The following SP110 variants were observed in gnomAD, a reference collection of about 807,000 sequenced individuals.
SP110 encodes the protein SP110 nuclear body protein.
SP110 carries 62 observed loss-of-function variants against 92.7 expected under a neutral mutation model. The ratio of observed to expected loss-of-function variants is 0.67; its 90% confidence interval spans 0.55 to 0.83. SP110 has a LOEUF of 0.83. Ranked by LOEUF, SP110 falls within the 40% of genes least tolerant of loss-of-function variation. The pLI is 0.00. For synonymous variants in SP110, 273 were observed against 305.3 expected, an observed-to-expected ratio of 0.89 and a Z score of 1.10; for missense variants, 793 against 863.9, an observed-to-expected ratio of 0.92 and a Z score of 1.03.
chr2:230,184,583 T>G (rs2042270043), intron 11 of SP110, among the ~76,000 whole-genome samples: 1 of 152,222 alleles, frequency 6.6e-6, no homozygotes, highest in African/African-American at 2.4e-5. Flanking sequence ...GGTAAACTGA[T>G]TTGTCTATCT....
At position 230,177,783 on chromosome 2, in the gene SP110, G is replaced by A. The variant is rs1242453532; in HGVS notation, c.1448-103C>T. The A allele has an allele frequency of 3.1e-6, 4 of 1,303,316 alleles. No individual in the cohort carries two copies. In the South Asian group the frequency reaches 3.6e-5, roughly 12 times the overall value. The allele number at this position is 1,303,316 out of a possible 1,614,324, so 80.7% of individuals were successfully genotyped here. On this transcript the variant is annotated intron_variant, in intron 13 of 18. Coordinates refer to ENST00000258381, the MANE Select transcript of SP110 (RefSeq NM_080424.4). ...CCTTCTACCTTTCCAGGTCAAGAGA[G>A]ACTTCCTCTGTGAGGTGGAAGGAGT...
intron 7 of SP110, among the ~76,000 whole-genome samples, chr2:230,209,352 C>T (rs1270662935): frequency 6.6e-6 from 1 of 152,048 alleles, no homozygotes; most frequent in Non-Finnish European, 1.5e-5. Context: ...ACCCTGAAGG[C>T]ATCTAGGATG....
chr2:230,223,555 C>G (rs1226696183), upstream of SP110, among the ~76,000 whole-genome samples: 1 of 152,168 alleles, frequency 6.6e-6, no homozygotes, highest in African/African-American at 2.4e-5. Context: ...ACTCCCAAAT[C>G]CTGACTGATA....
chr2:230,218,719 A>G (rs957112098), intron 1 of SP110, among the ~76,000 whole-genome samples: 1 of 152,146 alleles, frequency 6.6e-6, no homozygotes. Context: ...AGCTTGTCTG[A>G]CTCTAAAGCC....
At position 230,208,008 on chromosome 2, in the gene SP110, T is replaced by C; in HGVS notation, c.881A>G (p.Lys294Arg). The C allele has an allele frequency of 6.4e-7, 1 of 1,561,272 alleles. No individual in the cohort carries two copies. Among genetic ancestry groups the C allele is most frequent in the South Asian group, 1.1e-5 (1 of 89,060 alleles). The change falls in exon 8 of 19, where the codon AAA becomes AGA. Residue 294 changes from lysine to arginine, a missense_variant. Physicochemically the swap from Lys to Arg is conservative, Grantham distance 26 (BLOSUM62 2). Transcript: ENST00000258381. The stretch of plus-strand genomic sequence containing the variant: ...CATCTTACCTCCTGGGAGGCTTTTT[T>C]TCTTATGTCTCCTTTTTGGAGTTGA... ...IWSTPKRRHK[K>R]KSLPGGTASS...
upstream of SP110, among the ~76,000 whole-genome samples, chr2:230,220,821 T>A (rs1381784394): frequency 6.6e-6 from 1 of 152,020 alleles, no homozygotes; most frequent in South Asian, 2.1e-4. Context: ...CTGGGCAACA[T>A]AGTGAGACCC....
chr2:230,216,984 G>C, intron 1 of SP110, 56 bp from the exon 2 acceptor site: 1 of 1,535,384 alleles, frequency 6.5e-7, no homozygotes, highest in South Asian at 1.2e-5. Context: ...GGTGGCTCAT[G>C]CCTGTAATCC....
In SP110 at chr2:230,185,974, G is replaced by C. The variant is rs775027595; in HGVS notation, c.1279+20C>G. 6.2e-7 allele frequency: 1 copy of C among 1,611,734 alleles called. No homozygotes were observed. The highest frequency in any genetic ancestry group is 1.1e-5 in the South Asian group (1 of 91,042). ...CCTACATTGAGCTATTCAAATAGCA[G>C]ATTCCATCATTAGCCTTACCTTTCA... is the stretch of plus-strand genomic sequence containing the variant. On this transcript the variant is annotated intron_variant, in intron 11 of 18. Transcript: ENST00000258381.
chr2:230,190,000 G>A (rs185262959), intron 10 of SP110, among the ~76,000 whole-genome samples: 8 of 152,256 alleles, frequency 5.3e-5, no homozygotes, highest in Admixed American at 2.0e-4. Flanking sequence ...GGTAAATACT[G>A]CTGCGATAAA....
Position 230,178,461 on chromosome 2 carries a change from C to CG in SP110, c.1349-207_1349-206insC, listed in dbSNP as rs35552559. 2.0e-5 allele frequency among the ~76,000 whole-genome samples: 3 copies of CG among 148,804 alleles called. No homozygotes were observed. In the East Asian group the frequency reaches 5.9e-4, roughly 30 times the overall value. ...ACCACCACTGCCACCAACACTATAT[C>CG]AAAAAAAAAAACATTTTAGTGGAAC... is the stretch of plus-strand genomic sequence containing the variant. On this transcript the variant is annotated intron_variant, in intron 12 of 18. Transcript: ENST00000258381.
chr2:230,197,773 T>C (rs979078862), intron 10 of SP110, among the ~76,000 whole-genome samples: 3 of 152,170 alleles, frequency 2.0e-5, no homozygotes, highest in African/African-American at 7.2e-5. Context: ...GCTAGCCAGT[T>C]TTCCCAGCAC....
At chr2:230,208,563 C>A (rs989648758) in intron 7 of SP110, among the ~76,000 whole-genome samples, 2 of 152,142 alleles carry the variant, frequency 1.3e-5, no homozygotes, top group Non-Finnish European at 2.9e-5. Flanking sequence ...GGATTCTCAT[C>A]TGATATCTCC....
chr2:230,219,750 G>A (rs540591279), intron 1 of SP110, 124 bp downstream of exon 1: 1 of 184,064 alleles, frequency 5.4e-6, no homozygotes, highest in South Asian at 1.8e-4. Flanking sequence ...CCACATGTCT[G>A]AGCTCTGAGA....
chr2:230,170,904 CA>C (rs755354529), intron 17 of SP110, 143 bp from the exon 18 acceptor site: 37 of 806,062 alleles, frequency 4.6e-5, no homozygotes, highest in Non-Finnish European at 7.3e-5. Context: ...TTGTTCTAGG[CA>C]CTAGATAAAC....
chr2:230,210,607 C>A (rs912069092), intron 6 of SP110, among the ~76,000 whole-genome samples: 1 of 152,198 alleles, frequency 6.6e-6, no homozygotes, highest in South Asian at 2.1e-4. Context: ...CAGGAGCTAG[C>A]CTGTGCTTGC....
Position 230,207,995 on chromosome 2 carries a change from T to C in SP110, c.894A>G (p.Pro298=). 1.3e-6 allele frequency: 2 copies of C among 1,534,516 alleles called. No individual in the cohort carries two copies. The highest frequency in any genetic ancestry group is 1.8e-6 in the Non-Finnish European group (2 of 1,111,070). The change falls in exon 8 of 19, where the codon CCA becomes CCG. Residue 298 remains proline, a synonymous_variant. Coordinates refer to ENST00000258381, the MANE Select transcript of SP110 (RefSeq NM_080424.4). ...PKRRHKKKSL[P]GGTASSRHGI... ...CCTCTTGTACTCTCATCTTACCTCC[T>C]GGGAGGCTTTTTTTCTTATGTCTCC...
At chr2:230,172,566 A>G (rs1245989773) in intron 15 of SP110, 50 of 531,060 alleles carry the variant, frequency 9.4e-5, no homozygotes, top group Non-Finnish European at 1.6e-4. Flanking sequence ...TCTTTCCTCA[A>G]CAGGCACAGA....
chr2:230,215,185 G>T, intron 2 of SP110, 67 bp from the exon 3 acceptor site: 2 of 1,281,530 alleles, frequency 1.6e-6, no homozygotes, highest in Non-Finnish European at 2.2e-6. Context: ...TACATTTATG[G>T]TTTTCTAAGT....
intron 10 of SP110, among the ~76,000 whole-genome samples, chr2:230,190,315 C>T (rs1288029268): frequency 1.3e-5 from 2 of 150,692 alleles, no homozygotes; most frequent in African/African-American, 2.4e-5. Context: ...TGATGTTGAG[C>T]GTTTTTCCAT....
Sources: gnomAD v4.1 joint callset for allele counts (sites outside exome capture counted in the v4.1 genomes callset) on GRCh38, gnomAD v4.1.1 for gene constraint, MANE v1.5 for transcripts, NCBI Gene and HGNC (gene_info 2026-07-23, HGNC 2026-07-21) for gene names.